TBCK: variants seen among roughly 807,000 people sequenced by gnomAD.
TBCK encodes TBC domain-containing protein kinase-like protein.
Under a neutral mutation model 113.4 loss-of-function variants are expected in TBCK, and 99 were observed. The ratio of observed to expected loss-of-function variants is 0.87; its 90% CI spans 0.74 to 1.03. The LOEUF (loss-of-function observed/expected upper bound fraction) is 1.03. TBCK is among the 50% of genes least tolerant of loss of function. The pLI, the probability that TBCK is intolerant of heterozygous loss-of-function variation, is 0.00. For synonymous variants in TBCK, 369 were observed against 370.8 expected (o/e 1.00, Z 0.05); for missense variants, 1,045 against 1,061.3 (o/e 0.98, Z 0.21).
intron 23 of TBCK, among the ~76,000 whole-genome samples, chr4:106,151,927 T>C (rs958635428): frequency 2.0e-5 from 3 of 152,044 alleles, no homozygotes; most frequent in Non-Finnish European, 4.4e-5. Context: ...TTTTTATATA[T>C]GTTGCTTTTT....
intron 20 of TBCK, among the ~76,000 whole-genome samples, chr4:106,208,355 C>T (rs1350269581): frequency 6.6e-6 from 1 of 151,972 alleles, no homozygotes; most frequent in Non-Finnish European, 1.5e-5. Flanking sequence ...TTTACATATA[C>T]CTACCCTTCC....
intron 20 of TBCK, among the ~76,000 whole-genome samples, chr4:106,198,683 A>G (rs1754533641): frequency 6.6e-6 from 1 of 152,136 alleles, no homozygotes; most frequent in African/African-American, 2.4e-5. Flanking sequence ...ATAATTACCT[A>G]TCACAACATA....
chr4:106,271,544 G>A (rs56775039), intron 3 of TBCK, among the ~76,000 whole-genome samples: 2 of 152,024 alleles, frequency 1.3e-5, no homozygotes, highest in Admixed American at 6.5e-5. Context: ...CTGAGGTCAG[G>A]AGTTCCAGAC....
intron 3 of TBCK, among the ~76,000 whole-genome samples, chr4:106,290,034 C>A (rs973444771): frequency 1.3e-5 from 2 of 152,188 alleles, no homozygotes; most frequent in Admixed American, 6.5e-5. Context: ...TTAACCCAGG[C>A]TCAACTAAAA....
intron 25 of TBCK, among the ~76,000 whole-genome samples, chr4:106,054,755 C>T (rs184053927): frequency 2.0e-5 from 3 of 151,686 alleles, no homozygotes; most frequent in African/African-American, 7.2e-5. Flanking sequence ...ATGCTAGGGA[C>T]TGGTTAAGCT....
chr4:106,133,544 C>T (rs542190926), intron 23 of TBCK, among the ~76,000 whole-genome samples: 1 of 152,256 alleles, frequency 6.6e-6, no homozygotes, highest in African/African-American at 2.4e-5. Context: ...CTGGAAAACA[C>T]ACAAAAGATA....
At chr4:106,246,178 T>C (rs781427676) in intron 10 of TBCK, among the ~76,000 whole-genome samples, 32 of 152,182 alleles carry the variant, frequency 2.1e-4, no homozygotes, top group Middle Eastern at 3.2e-3. Context: ...TTGTGCTATA[T>C]TCATATTGAC....
rs538337162 is a variant in TBCK, at chr4:106,118,015, A to C, written c.2236-1637T>G. On this transcript the variant is annotated intron_variant, in intron 23 of 25. Coordinates refer to ENST00000394708, the MANE Select transcript of TBCK (RefSeq NM_001163435.3). Reference sequence around the variant, plus strand: ...TAGAGTGAGACTCCGTCTCAAAAAAAAAAAAAACAAAAAAACACACAAACA... The same window carrying C: ...TAGAGTGAGACTCCGTCTCAAAAAACAAAAAAACAAAAAAACACACAAACA... Among the ~76,000 whole-genome samples the C allele has an allele frequency of 3.3e-5, 5 of 152,038 alleles. No homozygotes were observed. The South Asian group carries it at 1.0e-3, about 32-fold the overall frequency.
intron 23 of TBCK, among the ~76,000 whole-genome samples, chr4:106,147,204 T>C (rs1180137008): frequency 6.6e-6 from 1 of 152,212 alleles, no homozygotes; most frequent in Non-Finnish European, 1.5e-5. Flanking sequence ...CACCTTTTCA[T>C]ATTGATATTG....
intron 7 of TBCK, among the ~76,000 whole-genome samples, chr4:106,249,545 T>C (rs1028507064): frequency 1.3e-5 from 2 of 152,162 alleles, no homozygotes; most frequent in African/African-American, 2.4e-5. Flanking sequence ...AACAGCGCTT[T>C]TTAAGAAGGC....
chr4:106,179,531 T>C (rs547627174), intron 22 of TBCK, among the ~76,000 whole-genome samples: 6 of 152,214 alleles, frequency 3.9e-5, no homozygotes, highest in African/African-American at 1.4e-4. Flanking sequence ...AGCACATCAT[T>C]TGATTTCCAT....
Position 106,072,044 on chromosome 4 carries a change from T to C in TBCK, c.2571+23438A>G, listed in dbSNP as rs531869662. On this transcript the variant is annotated intron_variant, in intron 25 of 25. Transcript: ENST00000394708. The stretch of plus-strand genomic sequence containing the variant: ...GCAGCAGTGATGGGTATTGACTCTT[T>C]ATCCAATTTGCCAGTCTGTGTCTTT... Among the ~76,000 whole-genome samples the C allele has an allele frequency of 2.0e-5, 3 of 152,352 alleles. No individual in the cohort carries two copies. In the South Asian group the frequency reaches 6.2e-4, roughly 32 times the overall value.
intron 5 of TBCK, among the ~76,000 whole-genome samples, chr4:106,256,970 C>T (rs980769110): frequency 3.3e-5 from 5 of 151,974 alleles, no homozygotes; most frequent in African/African-American, 4.8e-5. Context: ...AGGGCACTTG[C>T]GTATCTTTTT....
At chr4:106,104,110 C>T (rs989214484) in intron 24 of TBCK, among the ~76,000 whole-genome samples, 5 of 152,152 alleles carry the variant, frequency 3.3e-5, no homozygotes, top group Non-Finnish European at 5.9e-5. Flanking sequence ...GACCCTGAAG[C>T]CTTAGATTAT....
chr4:106,313,142 G>A lies in TBCK; in HGVS notation c.-30+2789C>T, dbSNP rs185929888. ...ATAAACACTGCTATACATTTTCAAA[G>A]CATCAAACGTAACTAGAAAATTGTA... On this transcript the variant is annotated intron_variant, in intron 1 of 25. Coordinates refer to ENST00000394708, the MANE Select transcript of TBCK (RefSeq NM_001163435.3). Among the ~76,000 whole-genome samples the A allele has an allele frequency of 2.2e-4, 34 of 152,282 alleles. No individual in the cohort carries two copies. The East Asian group carries it at 3.7e-3, about 16-fold the overall frequency.
At chr4:106,314,616 A>ATTTTTTT (rs869091052) in intron 1 of TBCK, among the ~76,000 whole-genome samples, 2 of 102,060 alleles carry the variant, frequency 2.0e-5, no homozygotes, top group Non-Finnish European at 3.8e-5. Context: ...ATACTACTTG[A>ATTTTTTT]TTTTTTTTTT....
chr4:106,200,307 A>G (rs1333582664), intron 20 of TBCK, among the ~76,000 whole-genome samples: 4 of 152,202 alleles, frequency 2.6e-5, no homozygotes, highest in Non-Finnish European at 4.4e-5. Flanking sequence ...TTGGGAGGCC[A>G]AAGCGGGAGG....
At chr4:106,225,641 T>C (rs1241903234) in intron 19 of TBCK, among the ~76,000 whole-genome samples, 1 of 151,890 alleles carries the variant, frequency 6.6e-6, no homozygotes, top group African/African-American at 2.4e-5. Context: ...GTATTTTTAG[T>C]AGAGACAGGG....
intron 23 of TBCK, among the ~76,000 whole-genome samples, chr4:106,124,804 A>G (rs1201187063): frequency 2.6e-5 from 4 of 152,020 alleles, no homozygotes; most frequent in Admixed American, 6.6e-5. Flanking sequence ...TGAACAATGA[A>G]ATCACATGGA....
Sources: allele counts gnomAD v4.1 joint callset (sites outside exome capture counted in the v4.1 genomes callset), GRCh38; gene constraint gnomAD v4.1.1; transcripts MANE v1.5; gene names NCBI Gene and HGNC (gene_info 2026-07-23, HGNC 2026-07-21).